LPL: variants seen among roughly 807,000 people sequenced by gnomAD.
The protein encoded by LPL is phospholipase A1.
Under a neutral mutation model 52.2 loss-of-function variants are expected in LPL, and 43 were observed. The ratio of observed to expected loss-of-function variants is 0.82; its 90% CI spans 0.64 to 1.06. The LOEUF (loss-of-function observed/expected upper bound fraction) is 1.06, where lower values mean the gene tolerates loss of function less well. Ranked by LOEUF, LPL falls within the 50% of genes least tolerant of loss-of-function variation. The pLI, the probability that LPL is intolerant of heterozygous loss-of-function variation, is 0.00. For missense variants in LPL, 639 were observed against 585.3 expected (o/e 1.09, Z -0.95); for synonymous variants, 244 against 215.6 (o/e 1.13, Z -1.15).
rs2070083855 is a variant in LPL at position 19,965,910 on chromosome 8, A to G, written c.*600A>G. ...TCTGATAAACACAGAGGTTTTAAAC[A>G]GTCCCTACCATTGGCCTGCATCATG... On this transcript the variant is annotated 3_prime_UTR_variant, in exon 10 of 10. Coordinates refer to ENST00000650287, the MANE Select transcript of LPL (RefSeq NM_000237.3). 1 of 152,342 alleles carries G rather than the reference A, an allele frequency of 6.6e-6. No homozygotes were observed. The highest frequency in any genetic ancestry group is 1.5e-5 in the Non-Finnish European group (1 of 68,142). The allele number at this position is 152,342 out of a possible 1,614,324, so 9.4% of individuals were successfully genotyped here.
intron 1 of LPL, among the ~76,000 whole-genome samples, chr8:19,947,896 C>T (rs190277988): frequency 2.6e-5 from 4 of 152,092 alleles, no homozygotes; most frequent in Admixed American, 1.3e-4. Flanking sequence ...AAATCACAAA[C>T]GTACACACAC....
rs1410146792 is a variant in LPL at position 19,956,014 on chromosome 8, A to C, written c.949A>C (p.Ile317Leu). 6.2e-7 allele frequency: 1 copy of C among 1,614,194 alleles called. No homozygotes were observed. The highest frequency in any genetic ancestry group is 8.5e-7 in the Non-Finnish European group (1 of 1,180,032). The change falls in exon 6 of 10, where the codon ATC (isoleucine) becomes CTC (leucine). Residue 317 changes from isoleucine to leucine, a missense_variant. Coordinates refer to ENST00000650287, the MANE Select transcript of LPL (RefSeq NM_000237.3). ...KNRCNNLGYE[I>L]NKVRAKRSSK... ...CCGCTGCAACAATCTGGGCTATGAG[A>C]TCAATAAAGTCAGAGCCAAAAGAAG...
rs766760812 is a variant in LPL, at chr8:19,955,893, C to A, written c.828C>A (p.Ile276=). 7 of 1,614,132 alleles carry A rather than the reference C, an allele frequency of 4.3e-6. No homozygotes were observed. In the South Asian group the frequency reaches 6.6e-5, roughly 15 times the overall value. ...ACGAGCGCTCCATTCATCTCTTCATCGACTCTCTGTTGAATGAAGAAAATC... is the reference window on the plus strand; with the variant it reads ...ACGAGCGCTCCATTCATCTCTTCATAGACTCTCTGTTGAATGAAGAAAATC... ...CSHERSIHLF[I]DSLLNEENPS... The change falls in exon 6 of 10, where the codon ATC becomes ATA. Residue 276 remains isoleucine (I), a synonymous_variant. Coordinates refer to ENST00000650287, the MANE Select transcript of LPL (RefSeq NM_000237.3).
At chr8:19,949,208 T>A (rs1367629624) in intron 2 of LPL, among the ~76,000 whole-genome samples, 1 of 152,186 alleles carries the variant, frequency 6.6e-6, no homozygotes, top group Non-Finnish European at 1.5e-5. Flanking sequence ...TTGTGAATAT[T>A]ATAATACTAA....
intron 5 of LPL, 89 bp from the exon 6 acceptor site, chr8:19,955,752 C>T: frequency 6.6e-7 from 1 of 1,517,440 alleles, no homozygotes; most frequent in Non-Finnish European, 9.1e-7. Flanking sequence ...TACTCTAACA[C>T]CACATCTCAC....
At chr8:19,961,247 A>G (rs1443585439) in intron 8 of LPL, among the ~76,000 whole-genome samples, 164 bp downstream of exon 8, 4 of 35,000 alleles carry the variant, frequency 1.1e-4, no homozygotes, top group African/African-American at 8.2e-4. Context: ...TTATTTTCTT[A>G]TTTTTGGGGG....
At chr8:19,953,944 T>C (rs1172208281) in intron 4 of LPL, among the ~76,000 whole-genome samples, 176 bp from the exon 5 acceptor site, 1 of 152,192 alleles carries the variant, frequency 6.6e-6, no homozygotes, top group African/African-American at 2.4e-5. Context: ...CAAATTCATT[T>C]TAGAAGGAGC....
chr8:19,948,592 G>A (rs760914608), intron 2 of LPL: 10 of 470,852 alleles, frequency 2.1e-5, no homozygotes, highest in Admixed American at 3.6e-5. Flanking sequence ...TTCCTGCGAG[G>A]TTGGTAAAGG....
At position 19,939,428 on chromosome 8, in the gene LPL, G is replaced by A; in HGVS notation, c.-13G>A. On this transcript the variant is annotated 5_prime_UTR_variant, in exon 1 of 10. Transcript: ENST00000650287. This position sits in a 1 kb window ranked among gnomAD's most constrained non-coding sequence, Gnocchi z 4.0. ...CCGCGCCTTGCAGCTCCTCCAGAGGGACGCGCCCCGAGATGGAGAGCAAAG... is the reference window on the plus strand; with the variant it reads ...CCGCGCCTTGCAGCTCCTCCAGAGGAACGCGCCCCGAGATGGAGAGCAAAG... 6.2e-7 allele frequency: 1 copy of A among 1,602,600 alleles called. No homozygotes were observed. The highest frequency in any genetic ancestry group is 8.5e-7 in the Non-Finnish European group (1 of 1,175,316).
chr8:19,952,297 G>C (rs773293649), intron 3 of LPL, among the ~76,000 whole-genome samples: 3 of 152,180 alleles, frequency 2.0e-5, no homozygotes, highest in Non-Finnish European at 4.4e-5. Context: ...TGGCTGGCCT[G>C]TGGACATCTT....
chr8:19,942,293 C>T (rs919054255), intron 1 of LPL, among the ~76,000 whole-genome samples: 2 of 152,082 alleles, frequency 1.3e-5, no homozygotes, highest in African/African-American at 4.8e-5. Context: ...TAGTTTCTTC[C>T]GTGACCACCA....
chr8:19,954,741 G>A (rs258), intron 5 of LPL, among the ~76,000 whole-genome samples: 1 of 152,132 alleles, frequency 6.6e-6, no homozygotes, highest in Non-Finnish European at 1.5e-5. Context: ...TGTTAATTAG[G>A]ATAAATCTTC....
chr8:19,939,645 TC>T lies in LPL; in HGVS notation c.88+120del. Reference sequence around the variant, plus strand: ...GGGCGGTGGATGCGCCCAGGGACTCTCCCAGCCTGGGCTCTAGCCCCGAAAC... The same window carrying T: ...GGGCGGTGGATGCGCCCAGGGACTCTCCAGCCTGGGCTCTAGCCCCGAAAC... On this transcript the variant is annotated intron_variant, in intron 1 of 9. Transcript: ENST00000650287. This position sits in a 1 kb window ranked among gnomAD's most constrained non-coding sequence, Gnocchi z 4.0. The T allele has an allele frequency of 1.9e-6, 2 of 1,065,870 alleles. No homozygotes were observed. Among genetic ancestry groups the T allele is most frequent in the Non-Finnish European group, 2.7e-6 (2 of 730,256 alleles). The allele number at this position is 1,065,870 out of a possible 1,614,324, so 66.0% of individuals were successfully genotyped here. A position where few individuals can be genotyped will look rare whatever the true frequency, so the allele number is the denominator to read the frequency against.
intron 8 of LPL, 127 bp from the exon 9 acceptor site, chr8:19,961,988 T>C: frequency 1.4e-6 from 1 of 731,070 alleles, no homozygotes. Context: ...AGTTAATTAT[T>C]GGGAATATCA....
chr8:19,942,830 G>A lies in LPL; in HGVS notation c.88+3302G>A, dbSNP rs10503668. 2.0e-3 allele frequency among the ~76,000 whole-genome samples: 303 copies of A among 152,258 alleles called. 2 individuals are homozygous for A. Among genetic ancestry groups the A allele is most frequent in the African/African-American group, 6.9e-3 (287 of 41,538 alleles). Reference sequence around the variant, plus strand: ...ACACCATTTGCGTACTCAACAACAGGTATCTACTAGGAAGGAAGGAATGGA... The same window carrying A: ...ACACCATTTGCGTACTCAACAACAGATATCTACTAGGAAGGAAGGAATGGA... On this transcript the variant is annotated intron_variant, in intron 1 of 9. Coordinates refer to ENST00000650287, the MANE Select transcript of LPL (RefSeq NM_000237.3).
rs186234822 is a variant in LPL, at chr8:19,944,670, C to T, written c.89-3510C>T. Among the ~76,000 whole-genome samples, 115 of 152,324 alleles carry T rather than the reference C, an allele frequency of 7.5e-4. 1 individual carries two copies. The highest frequency in any genetic ancestry group is 1.3e-3 in the Non-Finnish European group (91 of 68,032). ...AGAATTACCACTCTTCCCCTCTATA[C>T]ATTTATCTTTCTCTACGTGCTTTAA... On this transcript the variant is annotated intron_variant, in intron 1 of 9. Transcript: ENST00000650287. The surrounding 1 kb of genome is among the most constrained non-coding windows in gnomAD (Gnocchi z 4.2).
At chr8:19,958,723 C>T (rs946634831) in intron 6 of LPL, among the ~76,000 whole-genome samples, 1 of 152,132 alleles carries the variant, frequency 6.6e-6, no homozygotes, top group African/African-American at 2.4e-5. Flanking sequence ...CTACTAGACA[C>T]CTAATCTGCG....
rs2128838565 is a variant in LPL at position 19,956,050 on chromosome 8, T to C, written c.985T>C (p.Tyr329His). 6 of 1,614,178 alleles carry C rather than the reference T, an allele frequency of 3.7e-6. No individual in the cohort carries two copies. Among genetic ancestry groups the C allele is most frequent in the Non-Finnish European group, 5.1e-6 (6 of 1,180,018 alleles). ...KVRAKRSSKM[Y>H]LKTRSQMPYK... ...CAGAGCCAAAAGAAGCAGCAAAATG[T>C]ACCTGAAGACTCGTTCTCAGATGCC... Residue 329 changes from tyrosine to histidine, a missense_variant, in exon 6 of 10, where the codon TAC (tyrosine) becomes CAC (histidine). Physicochemically the swap from Tyr to His is moderately conservative, Grantham distance 83 (BLOSUM62 2). Transcript: ENST00000650287.
intron 9 of LPL, 28 bp from the exon 10 acceptor site, chr8:19,965,282 T>C (rs1481267037): frequency 3.8e-6 from 3 of 780,742 alleles, no homozygotes; most frequent in Non-Finnish European, 4.8e-6. Flanking sequence ...AGATAATAAA[T>C]TGCCCTTTTT....
Sources: gnomAD v4.1 joint callset for allele counts (sites outside exome capture counted in the v4.1 genomes callset) on GRCh38, gnomAD v4.1.1 for gene constraint, Gnocchi (gnomAD v3.1) non-coding constraint, MANE v1.5 for transcripts, NCBI Gene and HGNC (gene_info 2026-07-23, HGNC 2026-07-21) for gene names.